Variants in RYR2 observed in about 807,000 individuals in gnomAD.
The protein encoded by RYR2 is ryanodine receptor 2.
A neutral mutation model predicts 601.1 loss-of-function variants in RYR2; 227 were observed. The ratio of observed to expected loss-of-function variants is 0.38; its 90% confidence interval spans 0.34 to 0.42. The LOEUF is 0.42. Ranked by LOEUF, RYR2 falls within the 10% of genes least tolerant of loss-of-function variation. The pLI is 1.00. For synonymous variants in RYR2, 2,223 were observed against 2,175.1 expected (o/e 1.02, Z -0.61); for missense variants, 4,646 against 6,156.5 (o/e 0.75, Z 8.21).
chr1:237,256,111 T>C (rs1490470329), intron 1 of RYR2, among the ~76,000 whole-genome samples: 1 of 152,116 alleles, frequency 6.6e-6, no homozygotes, highest in East Asian at 1.9e-4. Context: ...AATTGAATCA[T>C]AGGGGCAGTT....
chr1:237,511,859 A>AC (rs1461772269), intron 24 of RYR2, 68 bp downstream of exon 24: 21 of 876,706 alleles, frequency 2.4e-5, no homozygotes, highest in East Asian at 1.2e-4. Flanking sequence ...AAAAAAAAAA[A>AC]CAGGTATTGA....
rs1266360671 is a variant in RYR2 at position 237,270,518 on chromosome 1, T to C, written c.70T>C (p.Cys24Arg). ...GCAGGATGATGAAGTGGTTCTGCAG[T>C]GCACCGCAACCATCCACAAAGAACA... is the stretch of plus-strand genomic sequence containing the variant. ...LRTDDEVVLQ[C>R]TATIHKEQQK... Residue 24 changes from cysteine to arginine, a missense_variant, in exon 2 of 105, where the codon TGC becomes CGC. Transcript: ENST00000366574. The C allele has an allele frequency of 1.3e-6, 2 of 1,588,908 alleles. No homozygotes were observed. Among genetic ancestry groups the C allele is most frequent in the Non-Finnish European group, 1.7e-6 (2 of 1,167,008 alleles).
chr1:237,670,682 A>C (rs1217341098), intron 58 of RYR2, among the ~76,000 whole-genome samples: 1 of 152,190 alleles, frequency 6.6e-6, no homozygotes, highest in Non-Finnish European at 1.5e-5. Flanking sequence ...ATAAGCAGCT[A>C]TCTTATTACA....
chr1:237,255,326 C>A (rs1362708078), intron 1 of RYR2, among the ~76,000 whole-genome samples: 1 of 152,152 alleles, frequency 6.6e-6, no homozygotes, highest in Non-Finnish European at 1.5e-5. Flanking sequence ...TACTCATATG[C>A]CAACTTTCTT....
At chr1:237,812,604 A>C (rs2149458346) in intron 100 of RYR2, among the ~76,000 whole-genome samples, 1 of 152,318 alleles carries the variant, frequency 6.6e-6, no homozygotes, top group Middle Eastern at 3.4e-3. Flanking sequence ...GTCACATGAT[A>C]CCACAGGGTG....
intron 5 of RYR2, among the ~76,000 whole-genome samples, chr1:237,365,573 C>G (rs139239318): frequency 6.6e-6 from 1 of 152,126 alleles, no homozygotes; most frequent in Non-Finnish European, 1.5e-5. Context: ...CTAAATTAGA[C>G]GTATCATGAA....
intron 1 of RYR2, among the ~76,000 whole-genome samples, chr1:237,244,815 A>AC (rs5781943): frequency 0.72 from 109,687 of 151,968 alleles, 39,721 homozygotes; most frequent in East Asian, 0.86. Flanking sequence ...CAGACAACGT[A>AC]CCGCTTGAAT....
In RYR2 at chr1:237,508,699, C is replaced by T. The variant is rs183828760; in HGVS notation, c.2718+1885C>T. Among the ~76,000 whole-genome samples the T allele has an allele frequency of 9.4e-5, 14 of 149,054 alleles. No homozygotes were observed. In the East Asian group the frequency reaches 2.6e-3, roughly 27 times the overall value. On this transcript the variant is annotated intron_variant, in intron 23 of 104. Transcript: ENST00000366574. Reference sequence around the variant, plus strand: ...TAGTTCTGGTTGATACCATACATCACATTCCTGCCATGTTCAAGACACTCT... The same window carrying T: ...TAGTTCTGGTTGATACCATACATCATATTCCTGCCATGTTCAAGACACTCT...
Position 237,784,338 on chromosome 1 carries a change from C to T in RYR2, c.12626C>T (p.Ser4209Leu). ...EMQLAAQISESDLNERSANKE... is the reference protein window; with the variant it reads ...EMQLAAQISELDLNERSANKE... ...CAGCTGGCGGCTCAGATCTCGGAGTCGGACTTGAACGAGAGGTCAGCGAAT... is the reference window on the plus strand; with the variant it reads ...CAGCTGGCGGCTCAGATCTCGGAGTTGGACTTGAACGAGAGGTCAGCGAAT... Residue 4209 changes from serine to leucine, a missense_variant, in exon 90 of 105, where the codon TCG becomes TTG. Coordinates refer to ENST00000366574, the MANE Select transcript of RYR2 (RefSeq NM_001035.3). The surrounding 1 kb of genome is among the most constrained non-coding windows in gnomAD (Gnocchi z 7.1). 2 of 1,613,758 alleles carry T rather than the reference C, an allele frequency of 1.2e-6. No homozygotes were observed. The highest frequency in any genetic ancestry group is 1.3e-5 in the African/African-American group (1 of 74,984).
At chr1:237,580,941 T>C (rs1474130004) in intron 29 of RYR2, among the ~76,000 whole-genome samples, 2 of 152,164 alleles carry the variant, frequency 1.3e-5, no homozygotes, top group Non-Finnish European at 2.9e-5. Flanking sequence ...CTCCAGACTG[T>C]GAGATCACAC....
chr1:237,542,062 ATT>A (rs1170221829), intron 25 of RYR2, among the ~76,000 whole-genome samples: 65 of 122,146 alleles, frequency 5.3e-4, no homozygotes, highest in African/African-American at 6.6e-4. Context: ...TTTTGTCTTT[ATT>A]TATTTATTTA....
chr1:237,822,331 G>A (rs1028171938), intron 101 of RYR2, among the ~76,000 whole-genome samples: 3 of 152,168 alleles, frequency 2.0e-5, no homozygotes, highest in Admixed American at 6.5e-5. Context: ...AGCAGATCTC[G>A]CTGTAGAAAC....
chr1:237,183,187 C>T lies in RYR2; in HGVS notation c.49-87310C>T, dbSNP rs534652317. On this transcript the variant is annotated intron_variant, in intron 1 of 104. Coordinates refer to ENST00000366574, the MANE Select transcript of RYR2 (RefSeq NM_001035.3). ...CCTTCTCTTTTTCAAAATATATCATCCTAACTTCTTAACCGTTTACATGCA... is the reference window on the plus strand; with the variant it reads ...CCTTCTCTTTTTCAAAATATATCATTCTAACTTCTTAACCGTTTACATGCA... Among the ~76,000 whole-genome samples the T allele has an allele frequency of 7.2e-5, 11 of 152,238 alleles. 1 individual carries two copies. The South Asian group carries it at 2.3e-3, about 32-fold the overall frequency.
intron 45 of RYR2, 59 bp from the exon 46 acceptor site, chr1:237,638,956 T>G: frequency 6.4e-7 from 1 of 1,561,530 alleles, no homozygotes; most frequent in Non-Finnish European, 8.7e-7. Flanking sequence ...ATAACATTTA[T>G]TTGTTCAGAA....
chr1:237,289,751 T>C (rs1164713812), intron 2 of RYR2, among the ~76,000 whole-genome samples: 1 of 152,224 alleles, frequency 6.6e-6, no homozygotes, highest in East Asian at 1.9e-4. Flanking sequence ...GTAAGCATGC[T>C]TATACATAAT....
At chr1:237,647,661 A>G (rs768690464) in intron 48 of RYR2, among the ~76,000 whole-genome samples, 1 of 152,204 alleles carries the variant, frequency 6.6e-6, no homozygotes, top group Non-Finnish European at 1.5e-5. Flanking sequence ...TTGATGTTGT[A>G]TCCATATGAA....
At position 237,388,154 on chromosome 1, in the gene RYR2, T is replaced by G; in HGVS notation, c.744T>G (p.Pro248=). ...ACATGGACGAGTGTCTCACTGTCCC[T>G]TCAGGAGAACATGGTGAAGAGCAGC... ...HGHMDECLTV[P]SGEHGEEQRR... is the part of the protein sequence containing the mutation. The change falls in exon 10 of 105, where the codon CCT becomes CCG. Residue 248 remains proline, a synonymous_variant. Transcript: ENST00000366574. The G allele has an allele frequency of 4.3e-6, 7 of 1,613,922 alleles. No individual in the cohort carries two copies. The highest frequency in any genetic ancestry group is 5.9e-6 in the Non-Finnish European group (7 of 1,179,874).
intron 2 of RYR2, among the ~76,000 whole-genome samples, chr1:237,294,081 A>T (rs1416161403): frequency 6.6e-6 from 1 of 152,156 alleles, no homozygotes; most frequent in African/African-American, 2.4e-5. Context: ...AGGAAATTTT[A>T]AGGGATTTTA....
At chr1:237,540,531 ACT>A (rs1056513882) in intron 25 of RYR2, among the ~76,000 whole-genome samples, 79 of 151,970 alleles carry the variant, frequency 5.2e-4, no homozygotes, top group African/African-American at 1.9e-3. Flanking sequence ...ACATGGTGAA[ACT>A]CTGTCTCTAC....
Sources: allele counts gnomAD v4.1 joint callset (sites outside exome capture counted in the v4.1 genomes callset), GRCh38; gene constraint gnomAD v4.1.1; non-coding constraint Gnocchi (gnomAD v3.1); transcripts MANE v1.5; gene names NCBI Gene and HGNC (gene_info 2026-07-23, HGNC 2026-07-21).